The following RNF125 variants were observed in gnomAD, a reference collection of about 807,000 sequenced individuals.
RNF125 encodes ring finger protein 125, also known as E3 ubiquitin-protein ligase RNF125.
A neutral mutation model predicts 26.0 loss-of-function variants in RNF125; 21 were observed. The observed-to-expected ratio is 0.81, with a 90% confidence interval of 0.57 to 1.16. The LOEUF (loss-of-function observed/expected upper bound fraction) is 1.16. RNF125 is among the 50% of genes most tolerant of loss of function. RNF125 has a pLI of 0.00. For synonymous variants in RNF125, 95 were observed against 109.2 expected (o/e 0.87, Z 0.81); for missense variants, 270 against 299.4 (o/e 0.90, Z 0.72).
chr18:32,075,070 A>G (rs115865306), downstream of RNF125, among the ~76,000 whole-genome samples: 1,486 of 152,274 alleles, frequency 9.8e-3, 24 homozygotes, highest in African/African-American at 0.034. Flanking sequence ...TGTTATAATT[A>G]CACTTTCCTG....
chr18:32,065,273 T>A (rs545784984), intron 4 of RNF125, among the ~76,000 whole-genome samples: 5 of 152,314 alleles, frequency 3.3e-5, no homozygotes, highest in Admixed American at 6.5e-5. Flanking sequence ...GTTTTGCTCT[T>A]GTTGCCCAGG....
chr18:32,019,610 C>T (rs1189158590), intron 1 of RNF125, among the ~76,000 whole-genome samples: 1 of 152,116 alleles, frequency 6.6e-6, no homozygotes, highest in Non-Finnish European at 1.5e-5. Context: ...CTACCCTTTC[C>T]CAACACAGAC....
At chr18:32,039,364 C>T (rs1165032503) in intron 2 of RNF125, among the ~76,000 whole-genome samples, 1 of 152,054 alleles carries the variant, frequency 6.6e-6, no homozygotes, top group African/African-American at 2.4e-5. Flanking sequence ...CCACTGCACT[C>T]CAGCTTGGGC....
At chr18:32,039,134 G>A (rs2039191293) in intron 2 of RNF125, among the ~76,000 whole-genome samples, 1 of 150,580 alleles carries the variant, frequency 6.6e-6, no homozygotes, top group Non-Finnish European at 1.5e-5. Flanking sequence ...AGGCGCAGTG[G>A]CTCATGCCTG....
chr18:32,047,211 T>C (rs1372075563), intron 4 of RNF125, among the ~76,000 whole-genome samples: 8 of 152,216 alleles, frequency 5.3e-5, no homozygotes, highest in African/African-American at 1.9e-4. Context: ...TAATTTTTTG[T>C]ATTTTTTTGA....
the RNF125 span, among the ~76,000 whole-genome samples, chr18:32,085,700 C>CA: frequency 0.024 from 1,486 of 62,552 alleles, 69 homozygotes; most frequent in Middle Eastern, 0.062. Flanking sequence ...AACGACTTAT[C>CA]AAAAAAAAAA....
In RNF125 at chr18:32,034,151, T is replaced by C. The variant is rs2039127473; in HGVS notation, c.165-2965T>C. On this transcript the variant is annotated intron_variant, in intron 1 of 5. Coordinates refer to ENST00000217740, the MANE Select transcript of RNF125 (RefSeq NM_017831.4). Reference sequence around the variant, plus strand: ...TAGGCATCTGCATTCTCTGCAGGGTTATTCCCCTCCTTGCCACCATCAGTT... The same window carrying C: ...TAGGCATCTGCATTCTCTGCAGGGTCATTCCCCTCCTTGCCACCATCAGTT... 2.0e-5 allele frequency among the ~76,000 whole-genome samples: 3 copies of C among 152,240 alleles called. No individual in the cohort carries two copies. In the South Asian group the frequency reaches 6.2e-4, roughly 31 times the overall value.
intron 4 of RNF125, among the ~76,000 whole-genome samples, chr18:32,055,098 G>T (rs1436250430): frequency 2.0e-5 from 3 of 151,490 alleles, no homozygotes; most frequent in African/African-American, 7.3e-5. Context: ...TGAGTTCAAG[G>T]CCAGCCTGGG....
chr18:32,042,663 T>C (rs2144478187), intron 3 of RNF125, among the ~76,000 whole-genome samples: 1 of 151,890 alleles, frequency 6.6e-6, no homozygotes, highest in African/African-American at 2.4e-5. Flanking sequence ...ACCAGCTCAT[T>C]CCTTATCATT....
the RNF125 span, among the ~76,000 whole-genome samples, chr18:32,078,248 C>T: frequency 6.6e-6 from 1 of 152,164 alleles, no homozygotes; most frequent in Non-Finnish European, 1.5e-5. Context: ...CCTCTTGGCC[C>T]AGTAATTCTA....
At chr18:32,076,923 C>T (rs1315938581), downstream of RNF125, among the ~76,000 whole-genome samples, 2 of 152,158 alleles carry the variant, frequency 1.3e-5, no homozygotes, top group Non-Finnish European at 2.9e-5. Context: ...CAGCCAAAGT[C>T]ACTCCTCCAC....
At position 32,018,908 on chromosome 18, in the gene RNF125, C is replaced by G. The variant is rs1270031965; in HGVS notation, c.45C>G (p.Ala15=). The change falls in exon 1 of 6, where the codon GCC becomes GCG. Residue 15 remains alanine, a synonymous_variant. Coordinates refer to ENST00000217740, the MANE Select transcript of RNF125 (RefSeq NM_017831.4). ...LSTDSGKSAP[A]SATARALERR... ...CCGACAGCGGCAAATCGGCGCCCGC[C>G]TCTGCCACCGCGCGGGCCCTGGAGC... 6 of 1,607,126 alleles carry G rather than the reference C, an allele frequency of 3.7e-6. No homozygotes were observed. The Admixed American group carries it at 6.8e-5, about 18-fold the overall frequency.
intron 4 of RNF125, among the ~76,000 whole-genome samples, chr18:32,053,966 G>C (rs1203115013): frequency 6.6e-6 from 1 of 151,986 alleles, no homozygotes; most frequent in Non-Finnish European, 1.5e-5. Flanking sequence ...CATTTCTGTG[G>C]CTTTGGTGTT....
Position 32,068,523 on chromosome 18 carries a change from T to C in RNF125, c.*139T>C, listed in dbSNP as rs763245086. ...ATGTGTTTGTCCATGTTTATTGTTATAGTGCATTTAAAAACTGCTTTAATT... is the reference window on the plus strand; with the variant it reads ...ATGTGTTTGTCCATGTTTATTGTTACAGTGCATTTAAAAACTGCTTTAATT... On this transcript the variant is annotated 3_prime_UTR_variant, in exon 6 of 6. Coordinates refer to ENST00000217740, the MANE Select transcript of RNF125 (RefSeq NM_017831.4). 4.4e-5 allele frequency: 24 copies of C among 546,844 alleles called. No individual in the cohort carries two copies. Among genetic ancestry groups the C allele is most frequent in the Non-Finnish European group, 7.6e-5 (23 of 303,164 alleles). 33.9% of individuals were successfully genotyped at this position (546,844 alleles called of 1,614,324 possible). A position where few individuals can be genotyped will look rare whatever the true frequency, so the allele number is the denominator to read the frequency against.
intron 4 of RNF125, among the ~76,000 whole-genome samples, chr18:32,062,966 T>C (rs2039448354): frequency 6.6e-6 from 1 of 152,128 alleles, no homozygotes; most frequent in African/African-American, 2.4e-5. Flanking sequence ...ATGCTTGTAA[T>C]CCCAGCACTT....
chr18:32,063,234 A>AG (rs1177224436), intron 4 of RNF125, among the ~76,000 whole-genome samples: 1 of 151,598 alleles, frequency 6.6e-6, no homozygotes, highest in Non-Finnish European at 1.5e-5. Flanking sequence ...TTTCAAAAAA[A>AG]AAAAAAAAAA....
intron 1 of RNF125, among the ~76,000 whole-genome samples, chr18:32,021,223 G>C (rs983448636): frequency 2.6e-4 from 39 of 152,286 alleles, no homozygotes; most frequent in Admixed American, 2.3e-3. Context: ...TGGGACTACA[G>C]GTGCCGCCAC....
intron 4 of RNF125, among the ~76,000 whole-genome samples, chr18:32,061,082 T>C (rs1361995916): frequency 6.6e-6 from 1 of 152,192 alleles, no homozygotes; most frequent in Admixed American, 6.5e-5. Flanking sequence ...TGGAGTGCAG[T>C]GGTGCGATCT....
At chr18:32,067,080 G>C (rs1266300889) in intron 5 of RNF125, among the ~76,000 whole-genome samples, 2 of 152,160 alleles carry the variant, frequency 1.3e-5, no homozygotes, top group Admixed American at 6.5e-5. Context: ...GTGAAACCCT[G>C]TCTCTACTAA....
Sources: gnomAD v4.1 joint callset for allele counts (sites outside exome capture counted in the v4.1 genomes callset) on GRCh38, gnomAD v4.1.1 for gene constraint, MANE v1.5 for transcripts, NCBI Gene and HGNC (gene_info 2026-07-23, HGNC 2026-07-21) for gene names.